CSMD1: variants seen among roughly 807,000 people sequenced by gnomAD.
The protein encoded by CSMD1 is CUB and sushi domain-containing protein 1.
A neutral mutation model predicts 417.5 loss-of-function variants in CSMD1; 213 were observed. The ratio of observed to expected loss-of-function variants is 0.51; its 90% confidence interval spans 0.46 to 0.57. The LOEUF is 0.57. Among genes scored for constraint, CSMD1 ranks in the 20% least tolerant of loss-of-function variants. The pLI, the probability that CSMD1 is intolerant of heterozygous loss-of-function variation, is 0.00. For missense variants in CSMD1, 6,923 were observed against 4,529.7 expected, an observed-to-expected ratio of 1.53 and a Z score of -15.17; for synonymous variants, 2,862 against 1,736.8, an observed-to-expected ratio of 1.65 and a Z score of -16.11.
At position 3,161,564 on chromosome 8, in the gene CSMD1, C is replaced by A. The variant is rs1331356329; in HGVS notation, c.5844+595G>T. Among the ~76,000 whole-genome samples, 6 of 147,984 alleles carry A rather than the reference C, an allele frequency of 4.1e-5. No homozygotes were observed. The South Asian group carries it at 8.6e-4, about 21-fold the overall frequency. ...TCTGGGAGGCGGAGCTTGCAGTGAG[C>A]CAAGATCAAGATCATGCCGCTGCAC... On this transcript the variant is annotated intron_variant, in intron 38 of 69. Coordinates refer to ENST00000635120, the MANE Select transcript of CSMD1 (RefSeq NM_033225.6).
At chr8:3,026,125 T>G (rs1472667490) in intron 51 of CSMD1, among the ~76,000 whole-genome samples, 1 of 152,106 alleles carries the variant, frequency 6.6e-6, no homozygotes, top group East Asian at 1.9e-4. Flanking sequence ...AACAGCCTGG[T>G]GAGGGAAGCC....
intron 25 of CSMD1, among the ~76,000 whole-genome samples, chr8:3,298,952 G>A (rs1016549275): frequency 6.6e-6 from 1 of 152,134 alleles, no homozygotes; most frequent in African/African-American, 2.4e-5. Context: ...TATGCTATAT[G>A]CTAATGAGAA....
chr8:3,956,469 A>C (rs1038178017), intron 5 of CSMD1, among the ~76,000 whole-genome samples: 1 of 152,178 alleles, frequency 6.6e-6, no homozygotes, highest in African/African-American at 2.4e-5. Context: ...TTTCATAATC[A>C]TCCACGTACA....
At chr8:3,060,294 C>A (rs949181395) in intron 49 of CSMD1, among the ~76,000 whole-genome samples, 5 of 151,938 alleles carry the variant, frequency 3.3e-5, no homozygotes, top group Admixed American at 2.6e-4. Context: ...TACAGGCGTG[C>A]ACCACTGTGC....
At chr8:3,955,770 G>A (rs762664826) in intron 5 of CSMD1, among the ~76,000 whole-genome samples, 2 of 152,226 alleles carry the variant, frequency 1.3e-5, no homozygotes, top group African/African-American at 2.4e-5. Flanking sequence ...TAGAAACCCA[G>A]TGAATTAATA....
chr8:4,457,029 C>T (rs1465299176), intron 2 of CSMD1, among the ~76,000 whole-genome samples: 1 of 150,268 alleles, frequency 6.7e-6, no homozygotes, highest in East Asian at 2.0e-4. Context: ...ATGTTAATCG[C>T]TGATTCCTGG....
chr8:3,737,865 T>C (rs965859148), intron 6 of CSMD1, among the ~76,000 whole-genome samples: 1 of 152,260 alleles, frequency 6.6e-6, no homozygotes, highest in Non-Finnish European at 1.5e-5. Context: ...TAAGTCAGCC[T>C]TATTTAGTCT....
At chr8:4,268,330 A>G (rs879843165) in intron 3 of CSMD1, among the ~76,000 whole-genome samples, 2 of 152,138 alleles carry the variant, frequency 1.3e-5, no homozygotes, top group Non-Finnish European at 2.9e-5. Flanking sequence ...CCTGAATATT[A>G]ATTAGATTCT....
intron 5 of CSMD1, among the ~76,000 whole-genome samples, chr8:3,968,665 A>G (rs962526273): frequency 7.9e-5 from 12 of 152,136 alleles, no homozygotes; most frequent in African/African-American, 2.9e-4. Context: ...AAATCCCGAA[A>G]GCTGATAGTG....
chr8:4,206,316 G>A (rs905676877), intron 3 of CSMD1, among the ~76,000 whole-genome samples: 1 of 151,966 alleles, frequency 6.6e-6, no homozygotes, highest in African/African-American at 2.4e-5. Flanking sequence ...TTTACATTAG[G>A]TATATCTCCT....
At chr8:4,612,913 A>G (rs566891233) in intron 2 of CSMD1, among the ~76,000 whole-genome samples, 1 of 152,324 alleles carries the variant, frequency 6.6e-6, no homozygotes, top group African/African-American at 2.4e-5. Context: ...TGATAGGCAG[A>G]GATTTTATGT....
chr8:3,782,658 A>G (rs1381244440), intron 5 of CSMD1, among the ~76,000 whole-genome samples: 1 of 152,222 alleles, frequency 6.6e-6, no homozygotes. Context: ...AAAAAATGCT[A>G]TATATTCTCA....
chr8:4,212,893 G>T (rs3889326), intron 3 of CSMD1, among the ~76,000 whole-genome samples: 26,336 of 151,560 alleles, frequency 0.17, 2,792 homozygotes, highest in East Asian at 0.37. Flanking sequence ...CAGTTTAGAG[G>T]CTGAGCTGGA....
chr8:4,589,965 G>T (rs1032401656), intron 2 of CSMD1, among the ~76,000 whole-genome samples: 1 of 152,138 alleles, frequency 6.6e-6, no homozygotes, highest in African/African-American at 2.4e-5. Context: ...TAGGTTACTA[G>T]GCTAAGCAAG....
intron 3 of CSMD1, among the ~76,000 whole-genome samples, chr8:4,146,415 C>G (rs898801036): frequency 2.7e-5 from 4 of 150,238 alleles, no homozygotes. Flanking sequence ...ACAGCAGACT[C>G]CAAAGACGTG....
chr8:3,981,637 C>G (rs1346062930), intron 5 of CSMD1, among the ~76,000 whole-genome samples: 1 of 150,434 alleles, frequency 6.6e-6, no homozygotes, highest in Non-Finnish European at 1.5e-5. Context: ...TTTGAGTTGT[C>G]TTTTAATTAT....
chr8:3,175,705 G>A lies in CSMD1; in HGVS notation c.5725+5405C>T, dbSNP rs138834464. ...AGCAGAGCTTCAGACGTGGGAACAT[G>A]GCTTCCACACTGGACCATGTCTACT... is the stretch of plus-strand genomic sequence containing the variant. On this transcript the variant is annotated intron_variant, in intron 37 of 69. Coordinates refer to ENST00000635120, the MANE Select transcript of CSMD1 (RefSeq NM_033225.6). Among the ~76,000 whole-genome samples the A allele has an allele frequency of 4.2e-3, 640 of 151,488 alleles. 4 individuals carry two copies. Among genetic ancestry groups the A allele is most frequent in the African/African-American group, 0.015 (605 of 41,240 alleles).
chr8:4,645,016 G>A (rs1163712413), intron 1 of CSMD1, among the ~76,000 whole-genome samples: 1 of 152,118 alleles, frequency 6.6e-6, no homozygotes, highest in African/African-American at 2.4e-5. Flanking sequence ...TCTATATTCT[G>A]GTTAGTGATT....
intron 50 of CSMD1, among the ~76,000 whole-genome samples, chr8:3,040,614 C>A (rs1811024706): frequency 6.6e-6 from 1 of 151,768 alleles, no homozygotes; most frequent in Non-Finnish European, 1.5e-5. Flanking sequence ...ACCAGCCTGG[C>A]CAACATGATG....
Sources: gnomAD v4.1 joint callset for allele counts (sites outside exome capture counted in the v4.1 genomes callset) on GRCh38, gnomAD v4.1.1 for gene constraint, MANE v1.5 for transcripts, NCBI Gene and HGNC (gene_info 2026-07-23, HGNC 2026-07-21) for gene names.